Variants in FAM227A observed in about 807,000 individuals in gnomAD.
FAM227A encodes family with sequence similarity 227 member A.
A neutral mutation model predicts 74.7 loss-of-function variants in FAM227A; 80 were observed. That is an observed-to-expected ratio of 1.07 (90% CI 0.89 to 1.29). FAM227A has a LOEUF of 1.29. FAM227A is among the 50% of genes most tolerant of loss of function. The pLI, the probability that FAM227A is intolerant of heterozygous loss-of-function variation, is 0.00. For synonymous variants in FAM227A, 237 were observed against 241.8 expected (o/e 0.98, Z 0.19); for missense variants, 654 against 683.4 (o/e 0.96, Z 0.48).
At chr22:38,631,128 A>T (rs1461594911) in intron 6 of FAM227A, among the ~76,000 whole-genome samples, 1 of 152,060 alleles carries the variant, frequency 6.6e-6, no homozygotes, top group Non-Finnish European at 1.5e-5. Flanking sequence ...AGATTGCACC[A>T]CTCTACTCCA....
chr22:38,614,126 C>T (rs771864861), intron 11 of FAM227A, among the ~76,000 whole-genome samples: 8 of 152,126 alleles, frequency 5.3e-5, no homozygotes, highest in Non-Finnish European at 8.8e-5. Context: ...TCTGGTCTCT[C>T]AACTATATAC....
chr22:38,645,150 G>A (rs1266804798), intron 3 of FAM227A, among the ~76,000 whole-genome samples: 5 of 152,156 alleles, frequency 3.3e-5, no homozygotes, highest in East Asian at 3.9e-4. Context: ...CTAGCACTTT[G>A]GGAGGCCAAG....
intron 13 of FAM227A, among the ~76,000 whole-genome samples, chr22:38,602,676 G>GAA (rs2091201781): frequency 6.6e-6 from 1 of 152,142 alleles, no homozygotes; most frequent in African/African-American, 2.4e-5. Flanking sequence ...AATTTACTTA[G>GAA]TAAAAAAATA....
At chr22:38,602,582 T>C (rs1328133833) in intron 13 of FAM227A, among the ~76,000 whole-genome samples, 1 of 152,240 alleles carries the variant, frequency 6.6e-6, no homozygotes, top group East Asian at 1.9e-4. Context: ...TCAAAGACCT[T>C]TTTAAATTTT....
chr22:38,640,194 C>T (rs957129716), intron 3 of FAM227A, among the ~76,000 whole-genome samples: 32 of 151,970 alleles, frequency 2.1e-4, no homozygotes, highest in Non-Finnish European at 4.0e-4. Context: ...CCACCACGCC[C>T]GGCTAATTTT....
intron 6 of FAM227A, among the ~76,000 whole-genome samples, chr22:38,636,215 T>A (rs1179909324): frequency 6.6e-6 from 1 of 152,154 alleles, no homozygotes; most frequent in Non-Finnish European, 1.5e-5. Context: ...TGAGGGTTTG[T>A]GATAAAAATT....
At chr22:38,613,090 A>AT (rs2091455462) in intron 11 of FAM227A, among the ~76,000 whole-genome samples, 1 of 96,432 alleles carries the variant, frequency 1.0e-5, no homozygotes, top group Non-Finnish European at 1.9e-5. Flanking sequence ...AATTATATAT[A>AT]TATATTATAT....
At chr22:38,644,143 CTCA>C (rs2092177070) in intron 3 of FAM227A, among the ~76,000 whole-genome samples, 1 of 86,730 alleles carries the variant, frequency 1.2e-5, no homozygotes. Flanking sequence ...GAGACTCCAT[CTCA>C]AAAAAAAAAA....
At chr22:38,633,909 C>T (rs904156006) in intron 6 of FAM227A, among the ~76,000 whole-genome samples, 12 of 152,056 alleles carry the variant, frequency 7.9e-5, no homozygotes, top group Non-Finnish European at 1.5e-4. Context: ...AATTTTCCCA[C>T]GTGTGCACTT....
chr22:38,645,399 TAAAA>T (rs981794827), intron 3 of FAM227A, among the ~76,000 whole-genome samples, 160 bp downstream of exon 3: 1 of 151,942 alleles, frequency 6.6e-6, no homozygotes, highest in Non-Finnish European at 1.5e-5. Context: ...CAAAAAAAAA[TAAAA>T]AATGTTTATT....
At chr22:38,615,870 G>A (rs1225483165) in intron 11 of FAM227A, among the ~76,000 whole-genome samples, 1 of 152,210 alleles carries the variant, frequency 6.6e-6, no homozygotes, top group Non-Finnish European at 1.5e-5. Context: ...AGCCAGGCAA[G>A]AGAGGACACT....
In FAM227A at chr22:38,582,977, C is replaced by CT; in HGVS notation, c.*3147_*3148insA. Reference sequence around the variant, plus strand: ...TTAACAAAGAGGAGGGAGGAGAAGGCATTTTCAGGTCCAGAAGCAGCAACA... The same window carrying CT: ...TTAACAAAGAGGAGGGAGGAGAAGGCTATTTTCAGGTCCAGAAGCAGCAACA... On this transcript the variant is annotated 3_prime_UTR_variant, in exon 17 of 17. Coordinates refer to ENST00000535113, the MANE Select transcript of FAM227A (RefSeq NM_001013647.2). The CT allele has an allele frequency of 1.3e-6, 2 of 1,547,976 alleles. No homozygotes were observed. The highest frequency in any genetic ancestry group is 2.4e-5 in the South Asian group (2 of 83,968).
At chr22:38,625,127 C>T (rs977904404) in intron 9 of FAM227A, among the ~76,000 whole-genome samples, 2 of 152,034 alleles carry the variant, frequency 1.3e-5, no homozygotes, top group Non-Finnish European at 2.9e-5. Flanking sequence ...TGGTGGCTCA[C>T]GCCTGTAATC....
intron 3 of FAM227A, among the ~76,000 whole-genome samples, chr22:38,644,362 C>A (rs537295342): frequency 1.4e-3 from 209 of 151,458 alleles, no homozygotes; most frequent in South Asian, 2.5e-3. Context: ...GACAGCGAAA[C>A]TATGCTGTGT....
intron 10 of FAM227A, among the ~76,000 whole-genome samples, chr22:38,621,884 G>T (rs1461383821): frequency 6.6e-6 from 1 of 152,020 alleles, no homozygotes; most frequent in African/African-American, 2.4e-5. Flanking sequence ...GGCTGGACTG[G>T]GTCCCCCTCC....
chr22:38,607,041 G>C (rs930850941), intron 12 of FAM227A, among the ~76,000 whole-genome samples: 2 of 152,032 alleles, frequency 1.3e-5, no homozygotes, highest in Admixed American at 1.3e-4. Flanking sequence ...GCCAGGCGTG[G>C]TAGCGCACGC....
At chr22:38,650,963 G>C (rs781008537) in intron 1 of FAM227A, among the ~76,000 whole-genome samples, 5 of 152,200 alleles carry the variant, frequency 3.3e-5, no homozygotes, top group Non-Finnish European at 7.3e-5. Flanking sequence ...GAAGGACAGA[G>C]AAAACGTTGA....
In FAM227A at chr22:38,589,254, G is replaced by C. The variant is rs140108302; in HGVS notation, c.1638+2181C>G. ...CCGCACGAAGCTAGGGAGAGGCAAA[G>C]GAAGACTACCCTGAACCCCGCACAG... is the stretch of plus-strand genomic sequence containing the variant. On this transcript the variant is annotated intron_variant, in intron 16 of 16. Coordinates refer to ENST00000535113, the MANE Select transcript of FAM227A (RefSeq NM_001013647.2). Among the ~76,000 whole-genome samples, 6 of 152,294 alleles carry C rather than the reference G, an allele frequency of 3.9e-5. No individual in the cohort carries two copies. In the East Asian group the frequency reaches 1.2e-3, roughly 29 times the overall value.
intron 3 of FAM227A, among the ~76,000 whole-genome samples, chr22:38,643,881 C>T (rs925085258): frequency 6.6e-6 from 1 of 152,200 alleles, no homozygotes; most frequent in Non-Finnish European, 1.5e-5. Context: ...GGCGCAGTGG[C>T]TCACGCCTGT....
Sources: gnomAD v4.1 joint callset for allele counts (sites outside exome capture counted in the v4.1 genomes callset) on GRCh38, gnomAD v4.1.1 for gene constraint, MANE v1.5 for transcripts, NCBI Gene and HGNC (gene_info 2026-07-23, HGNC 2026-07-21) for gene names.